FER1L5: variants seen among roughly 807,000 people sequenced by gnomAD.
The protein encoded by FER1L5 is fer-1 like family member 5.
In FER1L5, 187 loss-of-function variants were observed where a neutral mutation model predicts 279.9. The ratio of observed to expected loss-of-function variants is 0.67; its 90% CI spans 0.59 to 0.75. FER1L5 has a LOEUF of 0.75. Among genes scored for constraint, FER1L5 ranks in the 30% least tolerant of loss-of-function variants. The pLI is 0.00. For synonymous variants in FER1L5, 921 were observed against 989.7 expected (o/e 0.93, Z 1.30); for missense variants, 2,091 against 2,594.4 (o/e 0.81, Z 4.21).
Position 96,704,648 on chromosome 2 carries a change from C to G in FER1L5, c.6130C>G (p.His2044Asp), listed in dbSNP as rs780296032. ...GAAACTCCACCCAGGACCCACAAAT[C>G]ACCTGAGTGATATTTTCCCAGAACT... ...EWKLHPGPTNHLSDIFPELPA... is the reference protein window; with the variant it reads ...EWKLHPGPTNDLSDIFPELPA... Residue 2044 changes from histidine (H) to aspartate (D), a missense_variant, in exon 53 of 53, where the codon CAC (histidine) becomes GAC (aspartate). Coordinates refer to ENST00000624922, the MANE Select transcript of FER1L5 (RefSeq NM_001293083.2). 6.2e-6 allele frequency: 10 copies of G among 1,613,898 alleles called. No individual in the cohort carries two copies. The African/African-American group carries it at 6.7e-5, about 11-fold the overall frequency.
chr2:96,642,924 G>A lies in FER1L5; in HGVS notation c.85+3G>A. Reference sequence around the variant, plus strand: ...CTGCATGTCCATCGACTTCAGAGGTGAGAGCCTCCCTGGGTCCACATGGGA... The same window carrying A: ...CTGCATGTCCATCGACTTCAGAGGTAAGAGCCTCCCTGGGTCCACATGGGA... On this transcript the variant is annotated splice_donor_region_variant and intron_variant, in intron 1 of 52. Transcript: ENST00000624922. 3.9e-6 allele frequency: 6 copies of A among 1,549,850 alleles called. No homozygotes were observed. Among genetic ancestry groups the A allele is most frequent in the East Asian group, 2.5e-5 (1 of 40,740 alleles).
rs977760892 is a variant in FER1L5 at position 96,698,955 on chromosome 2, G to A, written c.4519-90G>A. 33 of 1,532,648 alleles carry A rather than the reference G, an allele frequency of 2.2e-5. No homozygotes were observed. Among genetic ancestry groups the A allele is most frequent in the African/African-American group, 2.8e-5 (2 of 72,630 alleles). 94.9% of individuals were successfully genotyped at this position (1,532,648 alleles called of 1,614,324 possible). On this transcript the variant is annotated intron_variant, in intron 41 of 52. Transcript: ENST00000624922. This position sits in a 1 kb window ranked among gnomAD's most constrained non-coding sequence, Gnocchi z 5.5. ...CCCCATAGGCTCCGTGTGGTGCGAG[G>A]GGCTTGTTTCCACCCTCCTCCCACC... is the stretch of plus-strand genomic sequence containing the variant.
At chr2:96,696,142 G>T in intron 37 of FER1L5, 65 bp downstream of exon 37, 1 of 1,602,132 alleles carries the variant, frequency 6.2e-7, no homozygotes, top group South Asian at 1.1e-5. Context: ...TTGGGCCTAA[G>T]GAGGGGTGTC....
chr2:96,653,728 A>C, intron 8 of FER1L5, 26 bp downstream of exon 8: 1 of 1,540,870 alleles, frequency 6.5e-7, no homozygotes, highest in Non-Finnish European at 8.8e-7. Flanking sequence ...GGTCCCCAGC[A>C]AGGTGGGTTT....
In FER1L5 at chr2:96,698,169, C is replaced by T. The variant is rs1387166755; in HGVS notation, c.4356+13C>T. 2 of 1,551,692 alleles carry T rather than the reference C, an allele frequency of 1.3e-6. No homozygotes were observed. The highest frequency in any genetic ancestry group is 4.9e-5 in the East Asian group (2 of 41,006). ...AGGGGAGTTCAAGGTGTGTGTCCACCCCAGCTTAGCTGCCCCTGTCTCCTT... is the reference window on the plus strand; with the variant it reads ...AGGGGAGTTCAAGGTGTGTGTCCACTCCAGCTTAGCTGCCCCTGTCTCCTT... On this transcript the variant is annotated intron_variant, in intron 40 of 52. Transcript: ENST00000624922. This position sits in a 1 kb window ranked among gnomAD's most constrained non-coding sequence, Gnocchi z 5.5.
In FER1L5 at chr2:96,686,300, G is replaced by C. The variant is rs1199434553; in HGVS notation, c.2179G>C (p.Ala727Pro). Residue 727 changes from alanine (A) to proline (P), a missense_variant, in exon 23 of 53, where the codon GCT (alanine) becomes CCT (proline). Physicochemically the swap from Ala to Pro is conservative, Grantham distance 27 (BLOSUM62 -1). Coordinates refer to ENST00000624922, the MANE Select transcript of FER1L5 (RefSeq NM_001293083.2). ...CTCCGTCCTCTTCTCCCCGGCAGGG[G>C]CTCTGCACTCCGGCAGGCTCTGTGG... Reference protein sequence around the residue: ...AHSVLFSPAGALHSGRLCGKI... With the variant: ...AHSVLFSPAGPLHSGRLCGKI... 37 of 1,551,484 alleles carry C rather than the reference G, an allele frequency of 2.4e-5. No individual in the cohort carries two copies. The highest frequency in any genetic ancestry group is 3.1e-5 in the Non-Finnish European group (35 of 1,146,998).
chr2:96,660,721 AT>A (rs2075922556), intron 10 of FER1L5, among the ~76,000 whole-genome samples: 1 of 152,040 alleles, frequency 6.6e-6, no homozygotes, highest in African/African-American at 2.4e-5. Context: ...CACCCAGCTA[AT>A]TTTTTATTTT....
At chr2:96,652,153 T>G (rs2075408856) in intron 7 of FER1L5, 133 bp downstream of exon 7, 7 of 1,281,312 alleles carry the variant, frequency 5.5e-6, no homozygotes, top group Non-Finnish European at 7.6e-6. Context: ...GAGTGTCTAC[T>G]GAGGGCCAAG....
chr2:96,676,819 T>C (rs2076526478), intron 19 of FER1L5, among the ~76,000 whole-genome samples: 2 of 152,216 alleles, frequency 1.3e-5, no homozygotes, highest in Non-Finnish European at 1.5e-5. Context: ...TTAATTACAG[T>C]ATAATTGCAT....
intron 2 of FER1L5, among the ~76,000 whole-genome samples, chr2:96,646,848 A>G (rs1038011435): frequency 2.6e-5 from 4 of 152,194 alleles, no homozygotes; most frequent in African/African-American, 7.2e-5. Context: ...CAACAGGCCA[A>G]TGATACTGCA....
intron 6 of FER1L5, 68 bp downstream of exon 6, chr2:96,650,357 C>T: frequency 7.7e-7 from 1 of 1,294,746 alleles, no homozygotes; most frequent in South Asian, 1.3e-5. Context: ...GTTCCCAGGC[C>T]ACCTCACCCC....
chr2:96,698,270 A>G lies in FER1L5; in HGVS notation c.4356+114A>G. On this transcript the variant is annotated intron_variant, in intron 40 of 52. Coordinates refer to ENST00000624922, the MANE Select transcript of FER1L5 (RefSeq NM_001293083.2). The surrounding 1 kb of genome is among the most constrained non-coding windows in gnomAD (Gnocchi z 5.5). ...CATTGTGAAGATGGAGCAGGGCTTG[A>G]GAACGTTCTGGGAGTGGAGGAGCAG... is the stretch of plus-strand genomic sequence containing the variant. The G allele has an allele frequency of 7.0e-7, 1 of 1,421,930 alleles. No individual in the cohort carries two copies. The highest frequency in any genetic ancestry group is 9.3e-7 in the Non-Finnish European group (1 of 1,070,334). 88.1% of individuals were successfully genotyped at this position (1,421,930 alleles called of 1,614,324 possible).
Position 96,703,567 on chromosome 2 carries a change from C to CTGA in FER1L5, c.5737_5738insGAT (p.Ala1912_Leu1913insTer), listed in dbSNP as rs1422783561. 1 of 1,613,952 alleles carries CTGA rather than the reference C, an allele frequency of 6.2e-7. No homozygotes were observed. Among genetic ancestry groups the CTGA allele is most frequent in the Admixed American group, 1.7e-5 (1 of 60,018 alleles). On this transcript the variant is annotated stop_gained and inframe_insertion, in exon 51 of 53. Transcript: ENST00000624922. LOFTEE classifies it high-confidence loss of function. ...TGGAGATTCTGTCAGAGAAGGAAGC[C>CTGA]TTAATCAAGCCAGCCGGGCGAGGCC...
chr2:96,675,480 G>A (rs2076478115), intron 19 of FER1L5, among the ~76,000 whole-genome samples: 1 of 152,128 alleles, frequency 6.6e-6, no homozygotes, highest in African/African-American at 2.4e-5. Context: ...AGGAGGGAGT[G>A]CAATGGTACA....
intron 9 of FER1L5, among the ~76,000 whole-genome samples, chr2:96,656,294 T>C (rs941630780): frequency 6.6e-6 from 1 of 152,242 alleles, no homozygotes; most frequent in African/African-American, 2.4e-5. Context: ...ACCTAGTCAA[T>C]GTTCAAATTC....
intron 9 of FER1L5, among the ~76,000 whole-genome samples, chr2:96,658,978 C>G (rs932158330): frequency 3.3e-5 from 5 of 152,046 alleles, no homozygotes; most frequent in Non-Finnish European, 5.9e-5. Flanking sequence ...CGGAGTCTCT[C>G]TCTGTCACCC....
chr2:96,676,683 G>C lies in FER1L5; in HGVS notation c.1669+3429G>C, dbSNP rs1406819829. On this transcript the variant is annotated intron_variant, in intron 19 of 52. Transcript: ENST00000624922. ...CTATCTATTGACAATATGTATCTTTGGATTATTTTTAGTGGTTGCTCAAGG... is the reference window on the plus strand; with the variant it reads ...CTATCTATTGACAATATGTATCTTTCGATTATTTTTAGTGGTTGCTCAAGG... Among the ~76,000 whole-genome samples the C allele has an allele frequency of 2.8e-5, 4 of 144,224 alleles. No homozygotes were observed. In the East Asian group the frequency reaches 8.1e-4, roughly 29 times the overall value. 94.6% of individuals were successfully genotyped at this position (144,224 alleles called of 152,430 possible).
At position 96,685,988 on chromosome 2, in the gene FER1L5, C is replaced by T; in HGVS notation, c.1944C>T (p.Asp648=). The T allele has an allele frequency of 1.3e-6, 2 of 1,550,978 alleles. No homozygotes were observed. Among genetic ancestry groups the T allele is most frequent in the Non-Finnish European group, 1.7e-6 (2 of 1,146,686 alleles). Residue 648 remains aspartate, a synonymous_variant, in exon 22 of 53, where the codon GAC becomes GAT. Coordinates refer to ENST00000624922, the MANE Select transcript of FER1L5 (RefSeq NM_001293083.2). ...MTYQPKATSL[D]RKRWQLRSLL... ...ATCAGCCCAAAGCCACCAGCCTGGA[C>T]AGGAAGAGGTGGCAGCTCCGCAGCC...
intron 14 of FER1L5, 121 bp from the exon 15 acceptor site, chr2:96,668,630 C>T (rs2076212847): frequency 8.8e-7 from 1 of 1,139,668 alleles, no homozygotes; most frequent in South Asian, 1.3e-5. Context: ...TGAAGTGGCT[C>T]ACTGGTAACT....
Sources: allele counts gnomAD v4.1 joint callset (sites outside exome capture counted in the v4.1 genomes callset), GRCh38; gene constraint gnomAD v4.1.1; non-coding constraint Gnocchi (gnomAD v3.1); transcripts MANE v1.5; gene names NCBI Gene and HGNC (gene_info 2026-07-23, HGNC 2026-07-21).